The following UNC5D variants were observed in gnomAD, a reference collection of about 807,000 sequenced individuals.
The protein encoded by UNC5D is netrin receptor UNC5D.
UNC5D carries 39 observed loss-of-function variants against 105.4 expected under a neutral mutation model. The observed-to-expected ratio is 0.37, with a 90% CI of 0.29 to 0.48. The LOEUF is 0.48. Ranked by LOEUF, UNC5D falls within the 20% of genes least tolerant of loss-of-function variation. The probability of loss-of-function intolerance (pLI) is 0.98; values close to 1 mark genes in which losing one functional copy is unlikely to be tolerated. For synonymous variants in UNC5D, 452 were observed against 450.4 expected (o/e 1.00, Z -0.04); for missense variants, 991 against 1,202.4 (o/e 0.82, Z 2.60).
At chr8:35,756,560 A>G (rs897607143) in intron 13 of UNC5D, among the ~76,000 whole-genome samples, 1 of 150,236 alleles carries the variant, frequency 6.7e-6, no homozygotes, top group African/African-American at 2.5e-5. Flanking sequence ...TTAAAAAAAA[A>G]AAAAAAAGAA....
chr8:35,715,485 A>G (rs1828206636), intron 8 of UNC5D, among the ~76,000 whole-genome samples: 1 of 152,220 alleles, frequency 6.6e-6, no homozygotes, highest in Non-Finnish European at 1.5e-5. Context: ...TTTTTATGTT[A>G]ACAGTACAGT....
intron 1 of UNC5D, among the ~76,000 whole-genome samples, chr8:35,527,827 T>C (rs1813993366): frequency 6.6e-6 from 1 of 152,074 alleles, no homozygotes; most frequent in South Asian, 2.1e-4. Context: ...CCACCACTCT[T>C]GGCCTCTCCT....
intron 1 of UNC5D, among the ~76,000 whole-genome samples, chr8:35,274,833 A>T (rs1226211900): frequency 1.3e-5 from 2 of 152,188 alleles, no homozygotes; most frequent in African/African-American, 4.8e-5. Flanking sequence ...AATTCTAAAA[A>T]ATATATTTTT....
rs1328018257 is a variant in UNC5D, at chr8:35,606,785, CAT to C, written c.570+11129_570+11130del. On this transcript the variant is annotated intron_variant, in intron 4 of 16. Coordinates refer to ENST00000404895, the MANE Select transcript of UNC5D (RefSeq NM_080872.4). Reference sequence around the variant, plus strand: ...ATACATTTTGTTTCATAAATGCACACATGAGTGTGCATACCCAGCCACCCACA... The same window carrying C: ...ATACATTTTGTTTCATAAATGCACACGAGTGTGCATACCCAGCCACCCACA... Among the ~76,000 whole-genome samples the C allele has an allele frequency of 6.6e-5, 10 of 152,360 alleles. No homozygotes were observed. In the East Asian group the frequency reaches 1.7e-3, roughly 26 times the overall value.
chr8:35,762,710 C>G (rs958854258), intron 14 of UNC5D, among the ~76,000 whole-genome samples: 3 of 152,150 alleles, frequency 2.0e-5, no homozygotes, highest in African/African-American at 7.2e-5. Flanking sequence ...GCTCCTAAAT[C>G]ACTTTCCTTT....
At chr8:35,713,546 G>A (rs963649899) in intron 8 of UNC5D, among the ~76,000 whole-genome samples, 4 of 152,080 alleles carry the variant, frequency 2.6e-5, no homozygotes, top group East Asian at 1.9e-4. Context: ...CCCACATATC[G>A]CATGGGAAAT....
chr8:35,593,046 TACAC>T (rs200962371), intron 3 of UNC5D, among the ~76,000 whole-genome samples: 14,334 of 141,106 alleles, frequency 0.1, 1,797 homozygotes, highest in African/African-American at 0.3. Flanking sequence ...GTAGTTTTTA[TACAC>T]ACACACACAC....
At chr8:35,329,048 T>A (rs1810394914) in intron 1 of UNC5D, among the ~76,000 whole-genome samples, 1 of 152,144 alleles carries the variant, frequency 6.6e-6, no homozygotes, top group South Asian at 2.1e-4. Flanking sequence ...ACTCATAAAG[T>A]CATGTTTTTC....
intron 3 of UNC5D, among the ~76,000 whole-genome samples, chr8:35,571,965 C>T (rs1020780687): frequency 2.0e-5 from 3 of 152,108 alleles, no homozygotes; most frequent in Non-Finnish European, 4.4e-5. Flanking sequence ...TGCGTTTAAA[C>T]AATTATCCAG....
At chr8:35,549,639 C>T in intron 2 of UNC5D, 129 bp downstream of exon 2, 2 of 844,870 alleles carry the variant, frequency 2.4e-6, no homozygotes, top group East Asian at 2.7e-5. Context: ...ACATCACTCC[C>T]AGCATATAAG....
At chr8:35,489,344 C>A (rs568518577) in intron 1 of UNC5D, among the ~76,000 whole-genome samples, 1 of 152,132 alleles carries the variant, frequency 6.6e-6, no homozygotes, top group African/African-American at 2.4e-5. Context: ...CCCGGCCACC[C>A]CCAAATTCAT....
intron 1 of UNC5D, among the ~76,000 whole-genome samples, chr8:35,416,566 G>T (rs1301954415): frequency 1.3e-5 from 2 of 152,130 alleles, no homozygotes; most frequent in Non-Finnish European, 2.9e-5. Context: ...TATCTAATTG[G>T]TTAAATGTGT....
intron 1 of UNC5D, among the ~76,000 whole-genome samples, chr8:35,504,523 T>A (rs2130277918): frequency 6.6e-6 from 1 of 152,260 alleles, no homozygotes; most frequent in South Asian, 2.1e-4. Context: ...GAATGCATTG[T>A]AAAAGAGCAA....
intron 9 of UNC5D, among the ~76,000 whole-genome samples, chr8:35,723,152 G>A (rs184676165): frequency 2.0e-5 from 3 of 152,104 alleles, no homozygotes; most frequent in Non-Finnish European, 2.9e-5. Context: ...CGTCAATATC[G>A]TCACCTTCAT....
At chr8:35,426,380 G>T (rs1351695155) in intron 1 of UNC5D, among the ~76,000 whole-genome samples, 1 of 152,044 alleles carries the variant, frequency 6.6e-6, no homozygotes, top group Non-Finnish European at 1.5e-5. Flanking sequence ...GGAAAATAAA[G>T]ATGTAAAAAA....
Position 35,478,549 on chromosome 8 carries a change from G to C in UNC5D, c.104-70743G>C, listed in dbSNP as rs555183731. Among the ~76,000 whole-genome samples the C allele has an allele frequency of 3.3e-5, 5 of 152,220 alleles. No homozygotes were observed. The South Asian group carries it at 6.2e-4, about 19-fold the overall frequency. ...TGCTTCCCCAGCCCTTGCTGACTTG[G>C]TGCTAAAGTTATTTATTCCTATGAG... On this transcript the variant is annotated intron_variant, in intron 1 of 16. Transcript: ENST00000404895.
chr8:35,742,041 C>G (rs908785423), intron 11 of UNC5D, among the ~76,000 whole-genome samples: 1 of 152,192 alleles, frequency 6.6e-6, no homozygotes, highest in Non-Finnish European at 1.5e-5. Context: ...ATTCTGCTCA[C>G]TTCCTGTTCT....
chr8:35,473,511 AT>A (rs1393567920), intron 1 of UNC5D, among the ~76,000 whole-genome samples: 1 of 152,156 alleles, frequency 6.6e-6, no homozygotes, highest in South Asian at 2.1e-4. Flanking sequence ...TAAAAGATAC[AT>A]TCTTAATATA....
chr8:35,518,389 G>A (rs1490234416), intron 1 of UNC5D, among the ~76,000 whole-genome samples: 1 of 151,910 alleles, frequency 6.6e-6, no homozygotes, highest in African/African-American at 2.4e-5. Flanking sequence ...ATTGCTTTAT[G>A]ACTATGATTT....
Sources: gnomAD v4.1 joint callset for allele counts (sites outside exome capture counted in the v4.1 genomes callset) on GRCh38, gnomAD v4.1.1 for gene constraint, MANE v1.5 for transcripts, NCBI Gene and HGNC (gene_info 2026-07-23, HGNC 2026-07-21) for gene names.